Variants in SLC14A1 observed in about 807,000 individuals in gnomAD.
The protein encoded by SLC14A1 is solute carrier family 14 member 1 (Kidd blood group).
In SLC14A1, 36 loss-of-function variants were observed where a neutral mutation model predicts 39.6. The observed-to-expected ratio is 0.91, with a 90% CI of 0.70 to 1.20. The LOEUF is 1.20. Among genes scored for constraint, SLC14A1 ranks in the 50% most tolerant of loss-of-function variants. The probability of loss-of-function intolerance (pLI) is 0.00; values close to 1 mark genes in which losing one functional copy is unlikely to be tolerated. For missense variants in SLC14A1, 469 were observed against 478.7 expected (o/e 0.98, Z 0.19); for synonymous variants, 164 against 173.6 (o/e 0.94, Z 0.43).
intron 8 of SLC14A1, chr18:45,739,928 A>G (rs2047311792): frequency 7.6e-6 from 4 of 523,004 alleles, no homozygotes; most frequent in Non-Finnish European, 1.4e-5. Context: ...GAGGATAGAA[A>G]AAGAAAAATC....
In SLC14A1 at chr18:45,751,920, T is replaced by C; in HGVS notation, c.*1969T>C. 1.0e-6 allele frequency: 1 copy of C among 985,386 alleles called. No homozygotes were observed. Among genetic ancestry groups the C allele is most frequent in the Non-Finnish European group, 1.2e-6 (1 of 829,902 alleles). The allele number at this position is 985,386 out of a possible 1,614,324, so 61.0% of individuals were successfully genotyped here. A position where few individuals can be genotyped will look rare whatever the true frequency, so the allele number is the denominator to read the frequency against. On this transcript the variant is annotated 3_prime_UTR_variant, in exon 10 of 10. Coordinates refer to ENST00000321925, the MANE Select transcript of SLC14A1 (RefSeq NM_015865.7). ...GAATCCTGAAGATTTTTTCCACTTC[T>C]AGTTTGCAGTGCTCAGTGCACAATA...
chr18:45,735,415 C>T (rs1361853399), intron 5 of SLC14A1, among the ~76,000 whole-genome samples: 1 of 152,160 alleles, frequency 6.6e-6, no homozygotes, highest in Non-Finnish European at 1.5e-5. Flanking sequence ...CCCTTACCCA[C>T]CTGCCCCCCA....
chr18:45,742,983 G>T (rs1367377526), intron 8 of SLC14A1, among the ~76,000 whole-genome samples: 1 of 152,274 alleles, frequency 6.6e-6, no homozygotes, highest in Non-Finnish European at 1.5e-5. Flanking sequence ...ACAGTGCCCA[G>T]CTAGTGATGA....
intron 2 of SLC14A1, among the ~76,000 whole-genome samples, chr18:45,726,465 A>AT (rs2046865804): frequency 6.6e-6 from 1 of 152,212 alleles, no homozygotes. Flanking sequence ...AATTCAACTA[A>AT]AAACTGTTTA....
intron 2 of SLC14A1, chr18:45,727,547 T>C: frequency 1.7e-6 from 2 of 1,170,876 alleles, no homozygotes; most frequent in Non-Finnish European, 2.3e-6. Flanking sequence ...CACAGGGATC[T>C]TGGTCCAAAA....
intron 6 of SLC14A1, chr18:45,737,591 G>C (rs189986585): frequency 1.3e-5 from 2 of 152,160 alleles, no homozygotes; most frequent in Admixed American, 1.3e-4. Context: ...ACTAAAGGGA[G>C]CACCTGGAAA....
At chr18:45,730,569 CT>C in intron 3 of SLC14A1, 98 bp downstream of exon 3, 1 of 1,291,826 alleles carries the variant, frequency 7.7e-7, no homozygotes, top group Non-Finnish European at 1.1e-6. Flanking sequence ...TATTCTCCAA[CT>C]TTTTATAGAT....
chr18:45,730,866 T>C (rs1458298345), intron 3 of SLC14A1, 149 bp from the exon 4 acceptor site: 3 of 749,772 alleles, frequency 4.0e-6, no homozygotes, highest in Non-Finnish European at 7.0e-6. Flanking sequence ...GTGCCACTAA[T>C]GCAACAATGG....
In SLC14A1 at chr18:45,739,065, T is replaced by A. The variant is rs1045477382; in HGVS notation, c.664-98T>A. The A allele has an allele frequency of 1.9e-4, 226 of 1,212,100 alleles. 2 individuals carry two copies. The East Asian group carries it at 5.2e-3, about 28-fold the overall frequency. The allele number at this position is 1,212,100 out of a possible 1,614,324, so 75.1% of individuals were successfully genotyped here. On this transcript the variant is annotated intron_variant, in intron 6 of 9. Transcript: ENST00000321925. Reference sequence around the variant, plus strand: ...CACTGTTCTTGAAAGAGGTAAGGTATGTCCAATCTAAAATTACATTGTAGG... The same window carrying A: ...CACTGTTCTTGAAAGAGGTAAGGTAAGTCCAATCTAAAATTACATTGTAGG...
At chr18:45,743,153 A>G (rs1217930794) in intron 8 of SLC14A1, among the ~76,000 whole-genome samples, 1 of 152,264 alleles carries the variant, frequency 6.6e-6, no homozygotes, top group Admixed American at 6.5e-5. Context: ...TGAAACAGAA[A>G]GTGGAAATAC....
rs2047724549 is a variant in SLC14A1, at chr18:45,752,008, G to T, written c.*2057G>T. 1 of 985,154 alleles carries T rather than the reference G, an allele frequency of 1.0e-6. No individual in the cohort carries two copies. The highest frequency in any genetic ancestry group is 6.2e-5 in the Admixed American group (1 of 16,260). 61.0% of individuals were successfully genotyped at this position (985,154 alleles called of 1,614,324 possible). On this transcript the variant is annotated 3_prime_UTR_variant, in exon 10 of 10. Transcript: ENST00000321925. ...AAACCTACAAATATTTTAGGGAGAA[G>T]CTCACTTCTTCCTTTTCTCAGGAAA...
chr18:45,731,110 G>A lies in SLC14A1; in HGVS notation c.247G>A (p.Val83Ile). Residue 83 changes from valine to isoleucine, a missense_variant, in exon 4 of 10, where the codon GTA becomes ATA. Physicochemically the swap from Val to Ile is conservative, Grantham distance 29. Transcript: ENST00000321925. The stretch of plus-strand genomic sequence containing the variant: ...CCCCGTCAGTGGAATCCTGATTCTG[G>A]TAGGACTTCTTGTTCAGAACCCCTG... ...NNPVSGILIL[V>I]GLLVQNPWWA... 6.2e-7 allele frequency: 1 copy of A among 1,614,164 alleles called. No individual in the cohort carries two copies. The highest frequency in any genetic ancestry group is 1.3e-5 in the African/African-American group (1 of 75,018).
intron 2 of SLC14A1, among the ~76,000 whole-genome samples, chr18:45,726,378 A>G (rs923950602): frequency 1.3e-5 from 2 of 152,246 alleles, no homozygotes; most frequent in Non-Finnish European, 1.5e-5. Context: ...ACTTCTGGTA[A>G]AAGAGTGATA....
rs202057781 is a variant in SLC14A1 at position 45,749,980 on chromosome 18, C to T, written c.*29C>T. The T allele has an allele frequency of 3.3e-5, 53 of 1,613,964 alleles. No individual in the cohort carries two copies. In the South Asian group the frequency reaches 3.4e-4, roughly 10 times the overall value. On this transcript the variant is annotated 3_prime_UTR_variant, in exon 10 of 10. Coordinates refer to ENST00000321925, the MANE Select transcript of SLC14A1 (RefSeq NM_015865.7). ...CAAGCCCCATTTGCAGCCATGGTCA[C>T]GAGTCATTTCTGCCTGACTGCTCCA...
intron 2 of SLC14A1, among the ~76,000 whole-genome samples, chr18:45,727,828 C>G (rs559808469): frequency 1.8e-4 from 28 of 152,284 alleles, no homozygotes; most frequent in Non-Finnish European, 2.5e-4. Context: ...TTAAAGTTCC[C>G]TAAGAAATGC....
intron 1 of SLC14A1, among the ~76,000 whole-genome samples, chr18:45,724,660 G>C (rs959207727): frequency 1.3e-5 from 2 of 152,210 alleles, no homozygotes; most frequent in Admixed American, 6.5e-5. Context: ...AGTTCGAGGC[G>C]AGTGTCTACA....
chr18:45,737,959 TGA>T (rs1245597390), intron 6 of SLC14A1, among the ~76,000 whole-genome samples: 3 of 152,160 alleles, frequency 2.0e-5, no homozygotes, highest in Non-Finnish European at 1.5e-5. Context: ...TATGGCTACC[TGA>T]GAGAGAGTTC....
rs1491390496 is a variant in SLC14A1, at chr18:45,742,352, G to GT, written c.946+2690_946+2691insT. Among the ~76,000 whole-genome samples the GT allele has an allele frequency of 7.8e-4, 82 of 104,974 alleles. 1 individual carries two copies. The South Asian group carries it at 8.3e-3, about 11-fold the overall frequency. The allele number at this position is 104,974 out of a possible 152,430, so 68.9% of individuals were successfully genotyped here. A position where few individuals can be genotyped will look rare whatever the true frequency, so the allele number is the denominator to read the frequency against. ...GGTTTTTTGTTGTTTTTTGTTTTTT[G>GT]GTTTTTTTTTTTTTTTTTTTGACAG... On this transcript the variant is annotated intron_variant, in intron 8 of 9. Coordinates refer to ENST00000321925, the MANE Select transcript of SLC14A1 (RefSeq NM_015865.7).
At chr18:45,736,676 C>T (rs1279576704) in intron 6 of SLC14A1, 28 bp downstream of exon 6, 4 of 1,605,374 alleles carry the variant, frequency 2.5e-6, no homozygotes, top group Non-Finnish European at 3.4e-6. Context: ...CTCACATTCG[C>T]CCTGGCTCTG....
Sources: gnomAD v4.1 joint callset for allele counts (sites outside exome capture counted in the v4.1 genomes callset) on GRCh38, gnomAD v4.1.1 for gene constraint, MANE v1.5 for transcripts, NCBI Gene and HGNC (gene_info 2026-07-23, HGNC 2026-07-21) for gene names.